POLR3B: variants seen among roughly 807,000 people sequenced by gnomAD.
POLR3B encodes the protein DNA-directed RNA polymerase III subunit RPC2.
POLR3B carries 96 observed loss-of-function variants against 147.4 expected under a neutral mutation model. That is an observed-to-expected ratio of 0.65 (90% CI 0.55 to 0.77). POLR3B has a LOEUF of 0.77. Ranked by LOEUF, POLR3B falls within the 30% of genes least tolerant of loss-of-function variation. The pLI, the probability that POLR3B is intolerant of heterozygous loss-of-function variation, is 0.00. For missense variants in POLR3B, 1,036 were observed against 1,413.5 expected (o/e 0.73, Z 4.28); for synonymous variants, 461 against 485.9 (o/e 0.95, Z 0.67).
intron 10 of POLR3B, among the ~76,000 whole-genome samples, chr12:106,395,018 A>G (rs1334518184): frequency 6.6e-6 from 1 of 152,192 alleles, no homozygotes; most frequent in Non-Finnish European, 1.5e-5. Flanking sequence ...ACATTGCTAT[A>G]AAGAAACACC....
At chr12:106,399,740 G>A (rs942791020) in intron 10 of POLR3B, among the ~76,000 whole-genome samples, 3 of 152,140 alleles carry the variant, frequency 2.0e-5, no homozygotes, top group African/African-American at 7.2e-5. Flanking sequence ...CTTCATAAGT[G>A]AAGGAGAAAT....
At chr12:106,395,038 T>A (rs1420452509) in intron 10 of POLR3B, among the ~76,000 whole-genome samples, 1 of 152,202 alleles carries the variant, frequency 6.6e-6, no homozygotes, top group Non-Finnish European at 1.5e-5. Flanking sequence ...CGAATCAGCC[T>A]GGACCACATG....
rs34915594 is a variant in POLR3B, at chr12:106,477,891, CTTTTTTTTTTTTTTTT to C, written c.2713+14286_2713+14301del. The stretch of plus-strand genomic sequence containing the variant: ...CTATTCGGCCATCTTGGCTCCTCCC[CTTTTTTTTTTTTTTTT>C]TTTTTTTTTTTTTTGGAGACAGAGC... On this transcript the variant is annotated intron_variant, in intron 23 of 27. Coordinates refer to ENST00000228347, the MANE Select transcript of POLR3B (RefSeq NM_018082.6). Among the ~76,000 whole-genome samples, 5 of 70,550 alleles carry C rather than the reference CTTTTTTTTTTTTTTTT, an allele frequency of 7.1e-5. No homozygotes were observed. The East Asian group carries it at 3.0e-3, about 43-fold the overall frequency. 46.3% of individuals were successfully genotyped at this position (70,550 alleles called of 152,430 possible). A position where few individuals can be genotyped will look rare whatever the true frequency, so the allele number is the denominator to read the frequency against.
intron 23 of POLR3B, among the ~76,000 whole-genome samples, chr12:106,471,120 G>A (rs148631475): frequency 1.4e-4 from 21 of 152,214 alleles, no homozygotes; most frequent in African/African-American, 3.4e-4. Flanking sequence ...CTTCCCTGCC[G>A]CTTTGTTTAC....
intron 11 of POLR3B, among the ~76,000 whole-genome samples, chr12:106,406,235 A>AT (rs2037149361): frequency 6.6e-6 from 1 of 152,150 alleles, no homozygotes; most frequent in Admixed American, 6.6e-5. Context: ...TTTTATATTC[A>AT]TACATACATT....
rs568781947 is a variant in POLR3B, at chr12:106,402,902, G to A, written c.847-2955G>A. 2.9e-3 allele frequency among the ~76,000 whole-genome samples: 445 copies of A among 151,894 alleles called. 1 individual carries two copies. Among genetic ancestry groups the A allele is most frequent in the African/African-American group, 9.3e-3 (384 of 41,392 alleles). On this transcript the variant is annotated intron_variant, in intron 10 of 27. Transcript: ENST00000228347. Reference sequence around the variant, plus strand: ...ACCATTCAGGACATAGGCATGGGCAGGGACTTCATGTCTAAAACACCAAAA... The same window carrying A: ...ACCATTCAGGACATAGGCATGGGCAAGGACTTCATGTCTAAAACACCAAAA...
At chr12:106,482,798 A>C (rs1475637577) in intron 23 of POLR3B, among the ~76,000 whole-genome samples, 3 of 152,168 alleles carry the variant, frequency 2.0e-5, no homozygotes, top group African/African-American at 7.2e-5. Context: ...GTATCCACTT[A>C]TGATGTTTGA....
intron 12 of POLR3B, among the ~76,000 whole-genome samples, chr12:106,426,222 T>TTGTGTGTGTGTGTGTGTGTGTGTGTG (rs35090518): frequency 7.6e-6 from 1 of 131,130 alleles, no homozygotes; most frequent in Non-Finnish European, 1.6e-5. Context: ...GGCCTGCAAT[T>TTGTGTGTGTGTGTGTGTGTGTGTGTG]TGTGTGTGTG....
At position 106,459,292 on chromosome 12, in the gene POLR3B, A is replaced by G. The variant is rs1221007155; in HGVS notation, c.2494A>G (p.Met832Val). The G allele has an allele frequency of 2.5e-6, 4 of 1,610,400 alleles. No individual in the cohort carries two copies. The highest frequency in any genetic ancestry group is 2.2e-5 in the East Asian group (1 of 44,864). ...ENKQVLVNKSMPTVTQIPLEG... is the reference protein window; with the variant it reads ...ENKQVLVNKSVPTVTQIPLEG... ...CAAACAAGTGCTTGTAAATAAGTCCATGCCCACAGTGACTCAGATTCCTTT... is the reference window on the plus strand; with the variant it reads ...CAAACAAGTGCTTGTAAATAAGTCCGTGCCCACAGTGACTCAGATTCCTTT... Residue 832 changes from methionine to valine, a missense_variant, in exon 22 of 28, where the codon ATG (methionine) becomes GTG (valine). Transcript: ENST00000228347.
chr12:106,374,331 C>T (rs541786434), intron 6 of POLR3B, among the ~76,000 whole-genome samples: 3 of 152,238 alleles, frequency 2.0e-5, no homozygotes, highest in Non-Finnish European at 2.9e-5. Context: ...ATCCTCCCAC[C>T]TCCAGCCTCC....
intron 10 of POLR3B, among the ~76,000 whole-genome samples, chr12:106,403,448 T>C (rs1448783751): frequency 1.3e-5 from 2 of 151,440 alleles, no homozygotes; most frequent in African/African-American, 4.9e-5. Context: ...GACCCAGCCA[T>C]CCCATTACTG....
At chr12:106,477,466 G>T (rs1396201325) in intron 23 of POLR3B, among the ~76,000 whole-genome samples, 2 of 141,368 alleles carry the variant, frequency 1.4e-5, no homozygotes, top group African/African-American at 5.5e-5. Context: ...CCCCAGCCTC[G>T]CTGCCGCCTT....
intron 12 of POLR3B, among the ~76,000 whole-genome samples, chr12:106,421,862 G>A (rs1360200964): frequency 6.6e-6 from 1 of 151,966 alleles, no homozygotes; most frequent in African/African-American, 2.4e-5. Context: ...ACCACACCCA[G>A]CTAATTTTTG....
chr12:106,459,291 C>A lies in POLR3B; in HGVS notation c.2493C>A (p.Ser831=). 1 of 1,609,894 alleles carries A rather than the reference C, an allele frequency of 6.2e-7. No homozygotes were observed. The highest frequency in any genetic ancestry group is 1.1e-5 in the South Asian group (1 of 91,006). ...VENKQVLVNK[S]MPTVTQIPLE... is the part of the protein sequence containing the mutation. ...ACAAACAAGTGCTTGTAAATAAGTC[C>A]ATGCCCACAGTGACTCAGATTCCTT... The change falls in exon 22 of 28, where the codon TCC becomes TCA. Residue 831 remains serine, a synonymous_variant. Coordinates refer to ENST00000228347, the MANE Select transcript of POLR3B (RefSeq NM_018082.6).
chr12:106,420,078 C>G (rs540083082), intron 12 of POLR3B, among the ~76,000 whole-genome samples: 1 of 152,052 alleles, frequency 6.6e-6, no homozygotes, highest in South Asian at 2.1e-4. Context: ...TTCGGTGGCT[C>G]AGGAATCTAA....
At chr12:106,385,115 C>T (rs1044311470) in intron 9 of POLR3B, among the ~76,000 whole-genome samples, 6 of 152,224 alleles carry the variant, frequency 3.9e-5, no homozygotes, top group Non-Finnish European at 7.4e-5. Flanking sequence ...AGCCACAGCG[C>T]CTGGCCTTAA....
chr12:106,454,593 T>A lies in POLR3B; in HGVS notation c.2175T>A (p.Ile725=). The part of the protein sequence containing the change: ...PQKPMVKTKT[I]ELIEFEKLPA... ...AACCCATGGTTAAGACAAAAACCAT[T>A]GAATTGATAGAATTTGAGAAACTGC... is the stretch of plus-strand genomic sequence containing the variant. The change falls in exon 20 of 28, where the codon ATT becomes ATA. Residue 725 remains isoleucine, a synonymous_variant. Coordinates refer to ENST00000228347, the MANE Select transcript of POLR3B (RefSeq NM_018082.6). 1 of 1,607,822 alleles carries A rather than the reference T, an allele frequency of 6.2e-7. No homozygotes were observed. Among genetic ancestry groups the A allele is most frequent in the Non-Finnish European group, 8.5e-7 (1 of 1,174,406 alleles).
rs373099408 is a variant in POLR3B at position 106,376,438 on chromosome 12, C to T, written c.484C>T (p.Pro162Ser). 3.7e-6 allele frequency: 6 copies of T among 1,609,742 alleles called. No homozygotes were observed. The highest frequency in any genetic ancestry group is 3.3e-5 in the Admixed American group (2 of 60,008). Residue 162 changes from proline to serine, a missense_variant, in exon 7 of 28, where the codon CCC becomes TCC. Pro to Ser is a moderately conservative substitution (Grantham distance 74). Transcript: ENST00000228347. ...AGAATTTGCCAAACTGAACGAATGT[C>T]CCTTAGATCCAGGTATGTGTGAAGT... ...PAEFAKLNEC[P>S]LDPGGYFIVK...
chr12:106,496,977 A>T lies in POLR3B; in HGVS notation c.2984+59A>T, dbSNP rs144744141. 31 of 1,526,132 alleles carry T rather than the reference A, an allele frequency of 2.0e-5. No individual in the cohort carries two copies. In the East Asian group the frequency reaches 2.5e-4, roughly 12 times the overall value. 94.5% of individuals were successfully genotyped at this position (1,526,132 alleles called of 1,614,324 possible). A position where few individuals can be genotyped will look rare whatever the true frequency, so the allele number is the denominator to read the frequency against. ...GAATGGTTTTACTAGGATAGGGGAG[A>T]CAAAGCCTTAAGGTATACTCTATTA... is the stretch of plus-strand genomic sequence containing the variant. On this transcript the variant is annotated intron_variant, in intron 25 of 27. Transcript: ENST00000228347.
Sources: gnomAD v4.1 joint callset for allele counts (sites outside exome capture counted in the v4.1 genomes callset) on GRCh38, gnomAD v4.1.1 for gene constraint, MANE v1.5 for transcripts, NCBI Gene and HGNC (gene_info 2026-07-23, HGNC 2026-07-21) for gene names.